FGL1: variants seen among roughly 807,000 people sequenced by gnomAD.
FGL1 encodes the protein fibrinogen-like protein 1.
In FGL1, 59 loss-of-function variants were observed where a neutral mutation model predicts 43.7. The ratio of observed to expected loss-of-function variants is 1.35; its 90% CI spans 1.10 to 1.68. The LOEUF is 1.68. FGL1 is among the 40% of genes most tolerant of loss of function. The probability of loss-of-function intolerance (pLI) is 0.00; values close to 1 mark genes in which losing one functional copy is unlikely to be tolerated. For missense variants in FGL1, 596 were observed against 373.0 expected (o/e 1.60, Z -4.92); for synonymous variants, 192 against 126.5 (o/e 1.52, Z -3.48).
chr8:17,889,912 A>G (rs982004078), intron 1 of FGL1, among the ~76,000 whole-genome samples: 2 of 152,236 alleles, frequency 1.3e-5, no homozygotes, highest in East Asian at 3.8e-4. Context: ...TACCAAAAAA[A>G]TAGGTTCAAA....
rs560904980 is a variant in FGL1 at position 17,895,508 on chromosome 8, G to A, written c.-79C>T. On this transcript the variant is annotated 5_prime_UTR_variant, in exon 1 of 8. Transcript: ENST00000427924. ...TCCATCCAGACACTCTGCTTCCCAG[G>A]ATCCTGTAACTGCATTGGGAATTTG... The A allele has an allele frequency of 4.0e-4, 512 of 1,287,032 alleles. No individual in the cohort carries two copies. The highest frequency in any genetic ancestry group is 5.0e-4 in the Non-Finnish European group (495 of 986,846). 79.7% of individuals were successfully genotyped at this position (1,287,032 alleles called of 1,614,324 possible). A position where few individuals can be genotyped will look rare whatever the true frequency, so the allele number is the denominator to read the frequency against.
At chr8:17,888,094 T>G (rs965222036) in intron 1 of FGL1, among the ~76,000 whole-genome samples, 1 of 152,020 alleles carries the variant, frequency 6.6e-6, no homozygotes, top group South Asian at 2.1e-4. Context: ...GATGTTTTTA[T>G]ATGTAATGTA....
At chr8:17,877,750 T>C (rs2053477468) in intron 3 of FGL1, among the ~76,000 whole-genome samples, 2 of 152,210 alleles carry the variant, frequency 1.3e-5, no homozygotes, top group African/African-American at 4.8e-5. Flanking sequence ...CCTTCAAGCA[T>C]TTATCCTTTG....
chr8:17,891,806 C>T (rs1229926088), intron 1 of FGL1: 1 of 984,184 alleles, frequency 1.0e-6, no homozygotes, highest in Admixed American at 6.1e-5. Context: ...TCCATCTTCA[C>T]CCTTCCAGCA....
chr8:17,882,022 A>C lies in FGL1; in HGVS notation c.221T>G (p.Leu74Arg). Reference sequence around the variant, plus strand: ...ACCTGCATACTGCCTCTTGCTTCCAAGATCAATGACAGTATTCTCATCTCC... The same window carrying C: ...ACCTGCATACTGCCTCTTGCTTCCACGATCAATGACAGTATTCTCATCTCC... ...DKGDENTVID[L>R]GSKRQYADCS... Residue 74 changes from leucine to arginine, a missense_variant, in exon 3 of 8, where the codon CTT (leucine) becomes CGT (arginine). Transcript: ENST00000427924. 3.1e-6 allele frequency: 5 copies of C among 1,613,928 alleles called. No homozygotes were observed. The African/African-American group carries it at 4.0e-5, about 13-fold the overall frequency.
intron 3 of FGL1, among the ~76,000 whole-genome samples, chr8:17,875,564 T>C (rs541082341): frequency 0.015 from 265 of 17,532 alleles, 12 homozygotes; most frequent in African/African-American, 0.033. Flanking sequence ...TTTCTTTCTT[T>C]CTTTCTTTCT....
At chr8:17,884,774 C>G (rs545963420) in intron 2 of FGL1, among the ~76,000 whole-genome samples, 2 of 152,232 alleles carry the variant, frequency 1.3e-5, no homozygotes, top group African/African-American at 4.8e-5. Context: ...ATTTAGTAAG[C>G]TTATTTAAAA....
Position 17,874,447 on chromosome 8 carries a change from C to T in FGL1, c.319G>A (p.Glu107Lys). 1 of 1,614,108 alleles carries T rather than the reference C, an allele frequency of 6.2e-7. No homozygotes were observed. The highest frequency in any genetic ancestry group is 2.2e-5 in the East Asian group (1 of 44,870). ...YKIKPLQSPA[E>K]FSVYCDMSDG... ...GACATGTCACAATAAACAGAAAATT[C>T]TGCTGGGCTCTGGAGAGGTTTGATT... Residue 107 changes from glutamate to lysine, a missense_variant, in exon 4 of 8, where the codon GAA becomes AAA. Physicochemically the swap from Glu to Lys is moderately conservative, Grantham distance 56 (BLOSUM62 1). Transcript: ENST00000427924.
chr8:17,873,679 A>G (rs1167776137), intron 5 of FGL1, among the ~76,000 whole-genome samples: 4 of 128,644 alleles, frequency 3.1e-5, no homozygotes, highest in African/African-American at 1.1e-4. Context: ...TATTCTATAT[A>G]TATCTATAGA....
chr8:17,874,560 T>A, intron 3 of FGL1, 39 bp from the exon 4 acceptor site: 2 of 1,557,524 alleles, frequency 1.3e-6, no homozygotes, highest in Non-Finnish European at 1.8e-6. Flanking sequence ...TCATTATGTG[T>A]CTTTTTCTCC....
intron 7 of FGL1, among the ~76,000 whole-genome samples, chr8:17,867,887 T>C (rs1220316341): frequency 6.6e-6 from 1 of 152,188 alleles, no homozygotes; most frequent in Non-Finnish European, 1.5e-5. Flanking sequence ...CTGGGCAACA[T>C]GGCAAAACCC....
rs752957548 is a variant in FGL1, at chr8:17,874,449, G to C, written c.317C>G (p.Ala106Gly). 1 of 1,613,992 alleles carries C rather than the reference G, an allele frequency of 6.2e-7. No homozygotes were observed. Among genetic ancestry groups the C allele is most frequent in the Non-Finnish European group, 8.5e-7 (1 of 1,179,956 alleles). The change falls in exon 4 of 8, where the codon GCA (alanine) becomes GGA (glycine). Residue 106 changes from alanine to glycine, a missense_variant. By Grantham distance (60) the Ala-to-Gly change is moderately conservative. Transcript: ENST00000427924. ...CATGTCACAATAAACAGAAAATTCT[G>C]CTGGGCTCTGGAGAGGTTTGATTTT... ...FYKIKPLQSP[A>G]EFSVYCDMSD...
intron 2 of FGL1, among the ~76,000 whole-genome samples, chr8:17,883,194 AATATATTAAATAATATATAAT>A: frequency 5.1e-5 from 5 of 97,750 alleles, no homozygotes; most frequent in Non-Finnish European, 7.0e-5. Context: ...TATCATATAT[AATATATTAAATAATATATAAT>A]ATATATCATA....
intron 1 of FGL1, chr8:17,891,539 T>C (rs577917744): frequency 4.0e-4 from 102 of 252,460 alleles, no homozygotes; most frequent in Non-Finnish European, 5.9e-4. Context: ...CTCAGTTACA[T>C]GTACAAAGAC....
intron 3 of FGL1, among the ~76,000 whole-genome samples, chr8:17,875,299 T>C (rs1336614898): frequency 6.6e-6 from 1 of 152,170 alleles, no homozygotes; most frequent in Non-Finnish European, 1.5e-5. Flanking sequence ...TTATAATCTC[T>C]TAGCCTTATT....
chr8:17,881,527 CAGAGAT>C (rs2053535320), intron 3 of FGL1, among the ~76,000 whole-genome samples: 1 of 150,332 alleles, frequency 6.7e-6, no homozygotes, highest in Non-Finnish European at 1.5e-5. Flanking sequence ...AATGCCCTGG[CAGAGAT>C]AGAAAAAAGT....
intron 5 of FGL1, among the ~76,000 whole-genome samples, chr8:17,872,319 T>TATTATTATTA (rs1554563591): frequency 6.6e-6 from 1 of 151,348 alleles, no homozygotes; most frequent in African/African-American, 2.4e-5. Context: ...TTATTATTAT[T>TATTATTATTA]TGAGACAGAG....
chr8:17,876,839 CTTG>C (rs1237422021), intron 3 of FGL1, among the ~76,000 whole-genome samples: 8 of 152,274 alleles, frequency 5.3e-5, no homozygotes, highest in Admixed American at 1.3e-4. Context: ...AAATTTTCTA[CTTG>C]TTATTATTTT....
chr8:17,886,011 C>T (rs1288994969), intron 1 of FGL1, among the ~76,000 whole-genome samples: 1 of 152,160 alleles, frequency 6.6e-6, no homozygotes, highest in Admixed American at 6.5e-5. Flanking sequence ...GCCTTGGCCT[C>T]CCAAAGTGCT....
Sources: allele counts gnomAD v4.1 joint callset (sites outside exome capture counted in the v4.1 genomes callset), GRCh38; gene constraint gnomAD v4.1.1; transcripts MANE v1.5; gene names NCBI Gene and HGNC (gene_info 2026-07-23, HGNC 2026-07-21).